The following NLRC5 variants were observed in gnomAD, a reference collection of about 807,000 sequenced individuals.
NLRC5 encodes protein NLRC5.
Under a neutral mutation model 206.9 loss-of-function variants are expected in NLRC5, and 114 were observed. That is an observed-to-expected ratio of 0.55 (90% CI 0.47 to 0.64). NLRC5 has a LOEUF of 0.64. Among genes scored for constraint, NLRC5 ranks in the 30% least tolerant of loss-of-function variants. The pLI is 0.00. For synonymous variants in NLRC5, 952 were observed against 962.8 expected (o/e 0.99, Z 0.21); for missense variants, 2,008 against 2,305.5 (o/e 0.87, Z 2.64).
Position 57,059,079 on chromosome 16 carries a change from C to T in NLRC5, c.3920+18C>T, listed in dbSNP as rs2066063895. 1.2e-6 allele frequency: 2 copies of T among 1,613,588 alleles called. No individual in the cohort carries two copies. The highest frequency in any genetic ancestry group is 1.7e-6 in the Non-Finnish European group (2 of 1,179,998). On this transcript the variant is annotated intron_variant, in intron 29 of 48. Coordinates refer to ENST00000688547, the MANE Select transcript of NLRC5 (RefSeq NM_001384950.1). ...TCAGTGAAGTAAGGGGATGTTGGTC[C>T]CCGAAAAGCCCCTTTCTGCTGGCCA...
intron 46 of NLRC5, 44 bp downstream of exon 46, chr16:57,079,673 G>C: frequency 1.3e-6 from 2 of 1,549,590 alleles, no homozygotes; most frequent in Non-Finnish European, 1.8e-6. Flanking sequence ...AAAAGGAAAA[G>C]TCGGGAGGGG....
chr16:57,067,508 T>G, intron 35 of NLRC5, 38 bp downstream of exon 35: 1 of 1,591,668 alleles, frequency 6.3e-7, no homozygotes, highest in Admixed American at 1.7e-5. Context: ...CCCTGAGTTC[T>G]CTGGTTGACC....
intron 1 of NLRC5, among the ~76,000 whole-genome samples, chr16:57,011,890 C>T (rs2059548381): frequency 6.6e-6 from 1 of 152,140 alleles, no homozygotes; most frequent in Non-Finnish European, 1.5e-5. Context: ...TTTTTAACAA[C>T]TTCATTGAGG....
chr16:57,025,332 G>A (rs769212399), intron 5 of NLRC5, 36 bp from the exon 6 acceptor site: 40 of 1,510,222 alleles, frequency 2.6e-5, no homozygotes, highest in Admixed American at 2.3e-5. Context: ...AGGGCCGGGG[G>A]GTCCTCTCCT....
In NLRC5 at chr16:57,041,873, G is replaced by T. The variant is rs559045324; in HGVS notation, c.3030-109G>T. 2.0e-5 allele frequency: 15 copies of T among 756,038 alleles called. No homozygotes were observed. In the African/African-American group the frequency reaches 2.7e-4, roughly 13 times the overall value. 46.8% of individuals were successfully genotyped at this position (756,038 alleles called of 1,614,324 possible). On this transcript the variant is annotated intron_variant, in intron 18 of 48. Coordinates refer to ENST00000688547, the MANE Select transcript of NLRC5 (RefSeq NM_001384950.1). The stretch of plus-strand genomic sequence containing the variant: ...TGCTGAGATCTGGCCTGGCAGCCCA[G>T]GGCTGTGTCCAGTTTCAGGAAGTTG...
chr16:57,008,412 A>C (rs73544984), intron 1 of NLRC5, among the ~76,000 whole-genome samples: 2,306 of 152,304 alleles, frequency 0.015, 64 homozygotes, highest in African/African-American at 0.053. Flanking sequence ...CTTACATTTA[A>C]ATTTTGGTTT....
chr16:57,040,521 A>G, intron 16 of NLRC5, 129 bp from the exon 17 acceptor site: 1 of 822,750 alleles, frequency 1.2e-6, no homozygotes. Context: ...GAGAAGCCAA[A>G]TTGGCACCAA....
chr16:57,020,939 T>C lies in NLRC5; in HGVS notation c.227T>C (p.Val76Ala). 1 of 1,614,062 alleles carries C rather than the reference T, an allele frequency of 6.2e-7. No homozygotes were observed. The highest frequency in any genetic ancestry group is 8.5e-7 in the Non-Finnish European group (1 of 1,180,008). The part of the protein sequence containing the change: ...SDTWQSFIHC[V>A]CMQLEVPLDL... ...ACCTGGCAGTCTTTCATTCATTGTGTGTGCATGCAGCTGGAGGTGCCTCTG... is the reference window on the plus strand; with the variant it reads ...ACCTGGCAGTCTTTCATTCATTGTGCGTGCATGCAGCTGGAGGTGCCTCTG... Residue 76 changes from valine to alanine, a missense_variant, in exon 3 of 49, where the codon GTG becomes GCG. Coordinates refer to ENST00000688547, the MANE Select transcript of NLRC5 (RefSeq NM_001384950.1).
intron 7 of NLRC5, 35 bp from the exon 8 acceptor site, chr16:57,028,267 C>T: frequency 6.2e-7 from 1 of 1,604,344 alleles, no homozygotes; most frequent in Non-Finnish European, 8.5e-7. Flanking sequence ...TTTTCCCCTC[C>T]TCGTTCCTCC....
rs770783762 is a variant in NLRC5 at position 57,051,574 on chromosome 16, G to C, written c.3459G>C (p.Glu1153Asp). 1.7e-5 allele frequency: 27 copies of C among 1,614,054 alleles called. No homozygotes were observed. The highest frequency in any genetic ancestry group is 2.0e-5 in the Non-Finnish European group (24 of 1,180,022). The stretch of plus-strand genomic sequence containing the variant: ...AGTTCCTGAGTGACCAGAGCCTGGA[G>C]ACTCTACTGGACTGCTTACCTCAAC... ...SCEFLSDQSL[E>D]TLLDCLPQLP... The change falls in exon 24 of 49, where the codon GAG (glutamate) becomes GAC (aspartate). Residue 1153 changes from glutamate to aspartate, a missense_variant. Physicochemically the swap from Glu to Asp is conservative, Grantham distance 45. Coordinates refer to ENST00000688547, the MANE Select transcript of NLRC5 (RefSeq NM_001384950.1).
chr16:57,067,673 A>T, intron 35 of NLRC5, 63 bp from the exon 36 acceptor site: 1 of 1,519,212 alleles, frequency 6.6e-7, no homozygotes, highest in African/African-American at 1.4e-5. Context: ...CCCCTTCTGG[A>T]TGTGATGACC....
intron 18 of NLRC5, 144 bp downstream of exon 18, chr16:57,041,718 T>C (rs1187198204): frequency 1.4e-6 from 1 of 709,570 alleles, no homozygotes; most frequent in Admixed American, 2.5e-5. Context: ...CTGGTGAAAG[T>C]TGTGACTCTT....
chr16:57,036,215 G>C, intron 14 of NLRC5, 32 bp downstream of exon 14: 1 of 1,603,784 alleles, frequency 6.2e-7, no homozygotes, highest in Non-Finnish European at 8.5e-7. Flanking sequence ...TGGGTACCAG[G>C]GAAGGCCCTG....
chr16:57,034,303 G>C (rs1459982803), intron 13 of NLRC5, 52 bp downstream of exon 13: 2 of 1,462,508 alleles, frequency 1.4e-6, no homozygotes, highest in Middle Eastern at 1.7e-4. Context: ...AGGTTGGAGA[G>C]GGTGGGCAGG....
At chr16:57,081,858 G>A (rs1405220535) in intron 48 of NLRC5, among the ~76,000 whole-genome samples, 1 of 152,204 alleles carries the variant, frequency 6.6e-6, no homozygotes, top group Non-Finnish European at 1.5e-5. Flanking sequence ...CTGTGAAATG[G>A]GGATACTGAT....
intron 3 of NLRC5, among the ~76,000 whole-genome samples, chr16:57,021,887 G>C (rs1031361410): frequency 6.6e-6 from 1 of 152,144 alleles, no homozygotes; most frequent in African/African-American, 2.4e-5. Context: ...TGGGAATTGC[G>C]GGGGGCGGGG....
chr16:57,010,906 A>T (rs1319784845), intron 1 of NLRC5, among the ~76,000 whole-genome samples: 3 of 141,238 alleles, frequency 2.1e-5, no homozygotes, highest in African/African-American at 7.8e-5. Flanking sequence ...CTTTTTTTAA[A>T]AAAAAATCAA....
intron 48 of NLRC5, 53 bp from the exon 49 acceptor site, chr16:57,082,364 G>C: frequency 7.0e-7 from 1 of 1,421,270 alleles, no homozygotes; most frequent in Non-Finnish European, 9.8e-7. Context: ...CTGCAGATAC[G>C]ACAGATGGCA....
intron 21 of NLRC5, 38 bp downstream of exon 21, chr16:57,045,530 C>T (rs13334317): frequency 4.7e-5 from 75 of 1,602,944 alleles, no homozygotes; most frequent in African/African-American, 1.9e-4. Context: ...AGTCCCCTCC[C>T]GCTCTGGTCC....
Sources: gnomAD v4.1 joint callset for allele counts (sites outside exome capture counted in the v4.1 genomes callset) on GRCh38, gnomAD v4.1.1 for gene constraint, MANE v1.5 for transcripts, NCBI Gene and HGNC (gene_info 2026-07-23, HGNC 2026-07-21) for gene names.